Variants in ABCB4 observed in about 807,000 individuals in gnomAD.
ABCB4 encodes ATP binding cassette subfamily B member 4, also known as phosphatidylcholine translocator ABCB4.
In ABCB4, 76 loss-of-function variants were observed where a neutral mutation model predicts 145.7. The observed-to-expected ratio is 0.52, with a 90% confidence interval of 0.43 to 0.63. The LOEUF (loss-of-function observed/expected upper bound fraction) is 0.63, where lower values mean the gene tolerates loss of function less well. Among genes scored for constraint, ABCB4 ranks in the 30% least tolerant of loss-of-function variants. ABCB4 has a pLI of 0.00. For synonymous variants in ABCB4, 517 were observed against 566.8 expected (o/e 0.91, Z 1.25); for missense variants, 1,234 against 1,553.1 (o/e 0.79, Z 3.45).
In ABCB4 at chr7:87,452,986, A is replaced by G. The variant is rs1811854235; in HGVS notation, c.494T>C (p.Phe165Ser). 6.2e-7 allele frequency: 1 copy of G among 1,614,108 alleles called. No homozygotes were observed. Among genetic ancestry groups the G allele is most frequent in the Non-Finnish European group, 8.5e-7 (1 of 1,180,010 alleles). Residue 165 changes from phenylalanine (F) to serine (S), a missense_variant, in exon 6 of 28, where the codon TTT becomes TCT. Phe to Ser is a radical substitution (Grantham distance 155). Around this residue, in one of 7 missense-constraint regions of ABCB4, gnomAD observed 467 missense variants for 632.8 expected, o/e 0.74. Coordinates refer to ENST00000649586, the MANE Select transcript of ABCB4 (RefSeq NM_000443.4). ...GAGTTCAGTGGTGTCGTTGATGTCAAACCATCCTATTTCCTGTCGTAGAAT... is the reference window on the plus strand; with the variant it reads ...GAGTTCAGTGGTGTCGTTGATGTCAGACCATCCTATTTCCTGTCGTAGAAT... Reference protein sequence around the residue: ...HAILRQEIGWFDINDTTELNT... With the variant: ...HAILRQEIGWSDINDTTELNT...
At chr7:87,430,511 T>C (rs1382835327) in intron 15 of ABCB4, among the ~76,000 whole-genome samples, 1 of 152,138 alleles carries the variant, frequency 6.6e-6, no homozygotes, top group Non-Finnish European at 1.5e-5. Context: ...GGAACTAGAA[T>C]GAATGAGTGC....
At chr7:87,473,455 C>G (rs557874322) in intron 2 of ABCB4, among the ~76,000 whole-genome samples, 8 of 152,196 alleles carry the variant, frequency 5.3e-5, no homozygotes, top group African/African-American at 1.4e-4. Context: ...TTACCTTTTC[C>G]GGGAATGCTC....
intron 24 of ABCB4, among the ~76,000 whole-genome samples, chr7:87,408,528 C>T (rs900201362): frequency 1.3e-5 from 2 of 152,218 alleles, no homozygotes; most frequent in Admixed American, 1.3e-4. Context: ...TATTCTGAAG[C>T]TGGAATCAAG....
chr7:87,368,505 G>C, the ABCB4 span, among the ~76,000 whole-genome samples: 1 of 152,128 alleles, frequency 6.6e-6, no homozygotes, highest in African/African-American at 2.4e-5. Flanking sequence ...CCTAGGTCTT[G>C]AGGAAATAAG....
At chr7:87,397,212 G>A (rs943245934), downstream of ABCB4, among the ~76,000 whole-genome samples, 4 of 152,010 alleles carry the variant, frequency 2.6e-5, no homozygotes, top group African/African-American at 4.8e-5. Flanking sequence ...ATTAGCTGGT[G>A]TGGTAGCACA....
chr7:87,470,761 C>T (rs1813324973), intron 3 of ABCB4, among the ~76,000 whole-genome samples: 1 of 152,188 alleles, frequency 6.6e-6, no homozygotes, highest in Admixed American at 6.5e-5. Context: ...CACTTTTACA[C>T]TATTGGTGGG....
At position 87,411,957 on chromosome 7, in the gene ABCB4, C is replaced by T. The variant is rs779829759; in HGVS notation, c.2860G>A (p.Gly954Ser). 6.8e-6 allele frequency: 11 copies of T among 1,613,830 alleles called. No individual in the cohort carries two copies. Among genetic ancestry groups the T allele is most frequent in the African/African-American group, 1.3e-5 (1 of 75,034 alleles). The change falls in exon 23 of 28, where the codon GGT becomes AGT. Residue 954 changes from glycine (G) to serine (S), a missense_variant. Around this residue, in one of 7 missense-constraint regions of ABCB4, gnomAD observed 301 missense variants for 389.0 expected, o/e 0.77. Coordinates refer to ENST00000649586, the MANE Select transcript of ABCB4 (RefSeq NM_000443.4). The stretch of plus-strand genomic sequence containing the variant: ...AGATATGCACCAAATCGAAAACAAC[C>T]GGCATAGGAAAAATACATAAATGCT... Reference protein sequence around the residue: ...SQAFMYFSYAGCFRFGAYLIV... With the variant: ...SQAFMYFSYASCFRFGAYLIV...
chr7:87,442,343 TG>T (rs1811045978), intron 12 of ABCB4, among the ~76,000 whole-genome samples: 1 of 152,158 alleles, frequency 6.6e-6, no homozygotes, highest in Admixed American at 6.5e-5. Context: ...TGGAGATCTC[TG>T]TTCTGTCCCA....
intron 20 of ABCB4, among the ~76,000 whole-genome samples, chr7:87,417,789 G>A (rs1809091489): frequency 2.0e-5 from 3 of 152,294 alleles, no homozygotes; most frequent in South Asian, 4.1e-4. Context: ...TGGGCACTGG[G>A]GGTGCATGTA....
In ABCB4 at chr7:87,406,381, G is replaced by A. The variant is rs1808193216; in HGVS notation, c.3393C>T (p.Ala1131=). The change falls in exon 26 of 28, where the codon GCC becomes GCT. Residue 1131 remains alanine (A), a synonymous_variant. Transcript: ENST00000649586. ...LFDCSIAENI[A]YGDNSRVVSQ... is the part of the protein sequence containing the mutation. ...ATACAACCCGGCTGTTGTCTCCATA[G>A]GCAATATTCTCGGCAATGCTGCAGT... 1.9e-6 allele frequency: 3 copies of A among 1,613,952 alleles called. No individual in the cohort carries two copies. Among genetic ancestry groups the A allele is most frequent in the Non-Finnish European group, 1.7e-6 (2 of 1,180,016 alleles).
chr7:87,453,817 A>G (rs1811926805), intron 5 of ABCB4, among the ~76,000 whole-genome samples: 1 of 152,194 alleles, frequency 6.6e-6, no homozygotes, highest in African/African-American at 2.4e-5. Flanking sequence ...ACTACTATTT[A>G]CATATTGCAA....
At chr7:87,383,375 T>C in the ABCB4 span, among the ~76,000 whole-genome samples, 7 of 152,210 alleles carry the variant, frequency 4.6e-5, no homozygotes, top group African/African-American at 1.7e-4. Flanking sequence ...TGTCTTTCTA[T>C]TTCTGGATTA....
Position 87,406,305 on chromosome 7 carries a change from T to C in ABCB4, c.3469A>G (p.Ile1157Val), listed in dbSNP as rs755930863. 1 of 1,614,172 alleles carries C rather than the reference T, an allele frequency of 6.2e-7. No homozygotes were observed. Among genetic ancestry groups the C allele is most frequent in the South Asian group, 1.1e-5 (1 of 91,076 alleles). The change falls in exon 26 of 28, where the codon ATC becomes GTC. Residue 1157 changes from isoleucine (I) to valine (V), a missense_variant. This residue lies in a region of ABCB4 where 301 missense variants were observed against 389.0 expected (regional missense o/e 0.77). Transcript: ENST00000649586. ...AAKAANIHPF[I>V]ETLPHKYETR... ...TAACTTACGTGGGGTAACGTCTCGA[T>C]GAAAGGATGTATGTTGGCAGCTTTG...
the ABCB4 span, among the ~76,000 whole-genome samples, chr7:87,372,909 T>C: frequency 6.6e-6 from 1 of 152,146 alleles, no homozygotes; most frequent in East Asian, 1.9e-4. Context: ...AATAGACAAA[T>C]AGTAAATTAT....
In ABCB4 at chr7:87,473,002, T is replaced by C. The variant is rs1813542090; in HGVS notation, c.81-327A>G. Among the ~76,000 whole-genome samples, 6 of 152,330 alleles carry C rather than the reference T, an allele frequency of 3.9e-5. 1 individual carries two copies. In the South Asian group the frequency reaches 1.2e-3, roughly 32 times the overall value. On this transcript the variant is annotated intron_variant, in intron 2 of 27. Transcript: ENST00000649586. ...ATTAAAAAAAATCATGATTTAAAAT[T>C]AGGAATGTCTATTCTTCTGAAGGAT... is the stretch of plus-strand genomic sequence containing the variant.
chr7:87,403,850 T>C (rs1807985720), intron 26 of ABCB4, among the ~76,000 whole-genome samples: 1 of 151,962 alleles, frequency 6.6e-6, no homozygotes, highest in Non-Finnish European at 1.5e-5. Context: ...AAGAAGGAGA[T>C]AGAAGTTGTT....
At chr7:87,448,563 CA>C (rs1330679275) in intron 8 of ABCB4, 1 of 152,234 alleles carries the variant, frequency 6.6e-6, no homozygotes, top group Admixed American at 6.5e-5. Context: ...TGCATCTGCC[CA>C]GTGTGACACA....
intron 20 of ABCB4, 77 bp downstream of exon 20, chr7:87,418,460 A>C: frequency 8.4e-6 from 11 of 1,311,896 alleles, no homozygotes; most frequent in Non-Finnish European, 1.2e-5. Flanking sequence ...GAAGCATCTT[A>C]ACAAGTGTGG....
At chr7:87,413,387 T>C (rs45599233) in intron 22 of ABCB4, among the ~76,000 whole-genome samples, 22 of 152,360 alleles carry the variant, frequency 1.4e-4, no homozygotes, top group African/African-American at 5.3e-4. Context: ...TCTATATCTT[T>C]TACGTCTTGG....
Sources: allele counts gnomAD v4.1 joint callset (sites outside exome capture counted in the v4.1 genomes callset), GRCh38; gene constraint gnomAD v4.1.1; regional missense constraint gnomAD v4.1.1; transcripts MANE v1.5; gene names NCBI Gene and HGNC (gene_info 2026-07-23, HGNC 2026-07-21).